The following QSOX2 variants were observed in gnomAD, a reference collection of about 807,000 sequenced individuals.
QSOX2 encodes sulfhydryl oxidase 2.
A neutral mutation model predicts 61.7 loss-of-function variants in QSOX2; 46 were observed. The observed-to-expected ratio is 0.75, with a 90% CI of 0.59 to 0.95. The LOEUF is 0.95. QSOX2 is among the 40% of genes least tolerant of loss of function. QSOX2 has a pLI of 0.00. For missense variants in QSOX2, 879 were observed against 918.9 expected (o/e 0.96, Z 0.56); for synonymous variants, 383 against 388.4 (o/e 0.99, Z 0.16).
At chr9:136,240,568 C>T (rs1169050591) in intron 1 of QSOX2, among the ~76,000 whole-genome samples, 1 of 152,208 alleles carries the variant, frequency 6.6e-6, no homozygotes, top group African/African-American at 2.4e-5. Context: ...GTGGAGCCCC[C>T]TCTTGGCTGA....
chr9:136,232,934 A>G lies in QSOX2; in HGVS notation c.329-6060T>C, dbSNP rs7048570. On this transcript the variant is annotated intron_variant, in intron 1 of 11. Transcript: ENST00000358701. The stretch of plus-strand genomic sequence containing the variant: ...ACCTGTCTCAAAAAAAAAAAAAAAA[A>G]AAAAGAAAAAAGAAAAAAAAAGAAA... Among the ~76,000 whole-genome samples, 1,033 of 149,726 alleles carry G rather than the reference A, an allele frequency of 6.9e-3. 14 individuals are homozygous for G. The highest frequency in any genetic ancestry group is 0.024 in the African/African-American group (971 of 40,730).
chr9:136,241,599 C>T (rs575962836), intron 1 of QSOX2, among the ~76,000 whole-genome samples: 1 of 152,202 alleles, frequency 6.6e-6, no homozygotes, highest in Non-Finnish European at 1.5e-5. Flanking sequence ...CTCCAGGTCA[C>T]CCACACCTGG....
chr9:136,236,495 C>T (rs73668102), intron 1 of QSOX2, among the ~76,000 whole-genome samples: 1,795 of 152,356 alleles, frequency 0.012, 17 homozygotes, highest in African/African-American at 0.032. Context: ...GCTTTCCTCA[C>T]GACAGCAGAA....
Position 136,209,463 on chromosome 9 carries a change from T to A in QSOX2, c.1550-188A>T. On this transcript the variant is annotated intron_variant, in intron 11 of 11. Coordinates refer to ENST00000358701, the MANE Select transcript of QSOX2 (RefSeq NM_181701.4). This position sits in a 1 kb window ranked among gnomAD's most constrained non-coding sequence, Gnocchi z 5.6. ...TTGCAGTTCGGCCCAGATAACATCC[T>A]GCTTCTGCAGGCCCCTGCGCACGTG... is the stretch of plus-strand genomic sequence containing the variant. The A allele has an allele frequency of 2.0e-6, 2 of 985,398 alleles. No homozygotes were observed. The highest frequency in any genetic ancestry group is 2.4e-6 in the Non-Finnish European group (2 of 829,904). The allele number at this position is 985,398 out of a possible 1,614,324, so 61.0% of individuals were successfully genotyped here. A position where few individuals can be genotyped will look rare whatever the true frequency, so the allele number is the denominator to read the frequency against.
chr9:136,234,268 G>A (rs1830357998), intron 1 of QSOX2, among the ~76,000 whole-genome samples: 2 of 152,234 alleles, frequency 1.3e-5, no homozygotes, highest in South Asian at 2.1e-4. Flanking sequence ...TCAATCGACC[G>A]TTTGTCACTG....
At chr9:136,219,001 G>T (rs573806099) in intron 7 of QSOX2, 29 bp downstream of exon 7, 1 of 1,612,460 alleles carries the variant, frequency 6.2e-7, no homozygotes, top group African/African-American at 1.3e-5. Context: ...CACTGTCTCC[G>T]GGGGCTTCAG....
At chr9:136,218,956 C>T in intron 7 of QSOX2, 74 bp downstream of exon 7, 1 of 1,585,618 alleles carries the variant, frequency 6.3e-7, no homozygotes, top group Non-Finnish European at 8.6e-7. Context: ...TCTGAGTAAA[C>T]CCGCCCTGCA....
chr9:136,209,030 C>T lies in QSOX2; in HGVS notation c.1795G>A (p.Val599Met). The change falls in exon 12 of 12, where the codon GTG (valine) becomes ATG (methionine). Residue 599 changes from valine (V) to methionine (M), a missense_variant. By Grantham distance (21) the Val-to-Met change is conservative. Coordinates refer to ENST00000358701, the MANE Select transcript of QSOX2 (RefSeq NM_181701.4). The surrounding 1 kb of genome is among the most constrained non-coding windows in gnomAD (Gnocchi z 5.6). The stretch of plus-strand genomic sequence containing the variant: ...TGGGTGTCTCGGTCTCCATGGGACA[C>T]CTCTGGGGGAGTGAGTCTTTTCTCC... Reference protein sequence around the residue: ...EEEKRLTPPEVSHGDRDTQSV... With the variant: ...EEEKRLTPPEMSHGDRDTQSV... The T allele has an allele frequency of 6.2e-7, 1 of 1,614,114 alleles. No homozygotes were observed. The highest frequency in any genetic ancestry group is 8.5e-7 in the Non-Finnish European group (1 of 1,179,996).
intron 11 of QSOX2, chr9:136,210,148 C>T (rs990923654): frequency 2.0e-6 from 2 of 985,502 alleles, no homozygotes; most frequent in African/African-American, 3.5e-5. Flanking sequence ...GGGACAAGCA[C>T]AGACCAGTGG....
intron 1 of QSOX2, among the ~76,000 whole-genome samples, chr9:136,234,974 C>A (rs545716121): frequency 6.6e-6 from 1 of 152,176 alleles, no homozygotes; most frequent in Non-Finnish European, 1.5e-5. Flanking sequence ...GGTCTCCATC[C>A]GAATGCCACT....
At chr9:136,217,561 C>T (rs951484797) in intron 8 of QSOX2, among the ~76,000 whole-genome samples, 3 of 152,220 alleles carry the variant, frequency 2.0e-5, no homozygotes, top group Non-Finnish European at 4.4e-5. Flanking sequence ...TTTTAGACAT[C>T]CAAGTAAACT....
rs753201814 is a variant in QSOX2, at chr9:136,211,263, C to T, written c.1549+1G>A. 6.2e-7 allele frequency: 1 copy of T among 1,613,688 alleles called. No individual in the cohort carries two copies. The highest frequency in any genetic ancestry group is 8.5e-7 in the Non-Finnish European group (1 of 1,179,664). On this transcript the variant is annotated splice_donor_variant, in intron 11 of 11. Transcript: ENST00000358701. LOFTEE classifies it high-confidence loss of function. ...GCCCCCCATGCCCAGGGGCTTCTCA[C>T]CTGCCAGGCGGCCGTTCACCATATT...
intron 1 of QSOX2, among the ~76,000 whole-genome samples, chr9:136,238,740 T>C (rs1337276836): frequency 6.6e-6 from 1 of 152,234 alleles, no homozygotes; most frequent in Non-Finnish European, 1.5e-5. Context: ...TGCTTAAAAT[T>C]GTTCTTTGGC....
chr9:136,238,460 C>T (rs1261049511), intron 1 of QSOX2, among the ~76,000 whole-genome samples: 1 of 152,206 alleles, frequency 6.6e-6, no homozygotes, highest in Admixed American at 6.5e-5. Flanking sequence ...CTTTGTTCCC[C>T]GAGGATCCCT....
chr9:136,214,220 T>C (rs761942803), intron 10 of QSOX2, among the ~76,000 whole-genome samples: 8 of 152,200 alleles, frequency 5.3e-5, no homozygotes, highest in Non-Finnish European at 1.2e-4. Flanking sequence ...AGAAAATTTG[T>C]TTTTATCTAT....
At chr9:136,216,574 T>C in intron 9 of QSOX2, 26 bp downstream of exon 9, 1 of 1,611,934 alleles carries the variant, frequency 6.2e-7, no homozygotes, top group Non-Finnish European at 8.5e-7. Flanking sequence ...GGGTGCAGCG[T>C]GGCTGGCGAG....
Position 136,216,653 on chromosome 9 carries a change from G to T in QSOX2, c.1156C>A (p.Leu386Met). ...ACGGCGTTGTAGGGGATCCTGTCCA[G>T]GGGAAGGCTGGCCAGCCACTCCTGC... ...MLQEWLASLP[L>M]DRIPYNAVLD... The change falls in exon 9 of 12, where the codon CTG becomes ATG. Residue 386 changes from leucine (L) to methionine (M), a missense_variant. Leu to Met is a conservative substitution (Grantham distance 15, BLOSUM62 2). Coordinates refer to ENST00000358701, the MANE Select transcript of QSOX2 (RefSeq NM_181701.4). The T allele has an allele frequency of 6.2e-7, 1 of 1,613,838 alleles. No homozygotes were observed. The highest frequency in any genetic ancestry group is 1.1e-5 in the South Asian group (1 of 91,080).
intron 6 of QSOX2, among the ~76,000 whole-genome samples, chr9:136,219,565 G>A (rs571347248): frequency 2.3e-4 from 35 of 152,268 alleles, no homozygotes; most frequent in Middle Eastern, 3.4e-3. Flanking sequence ...TCTGGAAGTC[G>A]GGGCCTGGGG....
intron 1 of QSOX2, among the ~76,000 whole-genome samples, chr9:136,229,607 G>C (rs79917444): frequency 6.6e-6 from 1 of 152,172 alleles, no homozygotes; most frequent in Admixed American, 6.5e-5. Context: ...AATCACGGCC[G>C]TGTGACATCA....
Sources: gnomAD v4.1 joint callset for allele counts (sites outside exome capture counted in the v4.1 genomes callset) on GRCh38, gnomAD v4.1.1 for gene constraint, Gnocchi (gnomAD v3.1) non-coding constraint, MANE v1.5 for transcripts, NCBI Gene and HGNC (gene_info 2026-07-23, HGNC 2026-07-21) for gene names.